Variants in USP22 observed in about 807,000 individuals in gnomAD.
The protein encoded by USP22 is ubiquitin specific peptidase 22.
A neutral mutation model predicts 68.1 loss-of-function variants in USP22; 22 were observed. The observed-to-expected ratio is 0.32, with a 90% CI of 0.23 to 0.46. The LOEUF is 0.46. Ranked by LOEUF, USP22 falls within the 20% of genes least tolerant of loss-of-function variation. USP22 has a pLI of 1.00. For synonymous variants in USP22, 279 were observed against 274.2 expected (o/e 1.02, Z -0.17); for missense variants, 433 against 695.8 (o/e 0.62, Z 4.25).
At chr17:21,024,950 CAG>C (rs1972202422) in intron 2 of USP22, among the ~76,000 whole-genome samples, 2 of 152,094 alleles carry the variant, frequency 1.3e-5, no homozygotes, top group African/African-American at 4.8e-5. Flanking sequence ...GCCTGGGTGA[CAG>C]AGGGAGATAG....
Position 21,042,780 on chromosome 17 carries a change from G to C in USP22, c.56C>G (p.Ala19Gly). ...GCCCAGGTGCGAGCAGCCCGGCGGC[G>C]CTACCGCCAGCTCGGCGTCCATGGC... Reference protein sequence around the residue: ...GEAMDAELAVAPPGCSHLGSF... With the variant: ...GEAMDAELAVGPPGCSHLGSF... Residue 19 changes from alanine to glycine, a missense_variant, in exon 1 of 13, where the codon GCG becomes GGG. This residue lies in a region of USP22 where 110 missense variants were observed against 89.9 expected (regional missense o/e 1.22). Transcript: ENST00000261497. 6.7e-7 allele frequency: 1 copy of C among 1,488,868 alleles called. No individual in the cohort carries two copies. The highest frequency in any genetic ancestry group is 2.8e-5 in the East Asian group (1 of 36,236). The allele number at this position is 1,488,868 out of a possible 1,614,324, so 92.2% of individuals were successfully genotyped here.
At chr17:21,033,603 T>C (rs886842788) in intron 1 of USP22, among the ~76,000 whole-genome samples, 1 of 152,182 alleles carries the variant, frequency 6.6e-6, no homozygotes, top group African/African-American at 2.4e-5. Context: ...CACACCACCT[T>C]AAGAGCTAGT....
intron 3 of USP22, 143 bp downstream of exon 3, chr17:21,020,970 G>A: frequency 6.1e-6 from 4 of 653,922 alleles, no homozygotes; most frequent in Non-Finnish European, 1.1e-5. Context: ...CTCCACTGTG[G>A]GCCTTAGGGG....
intron 11 of USP22, 92 bp from the exon 12 acceptor site, chr17:21,004,443 G>C: frequency 6.6e-7 from 1 of 1,519,622 alleles, no homozygotes; most frequent in Non-Finnish European, 9.0e-7. Flanking sequence ...CCCAGGCAGG[G>C]AGCGGGAGGC....
At chr17:21,018,137 G>A in intron 4 of USP22, 26 bp from the exon 5 acceptor site, 1 of 1,544,072 alleles carries the variant, frequency 6.5e-7, no homozygotes, top group East Asian at 2.3e-5. Context: ...CAGAGAGCAG[G>A]AGTTACCTGT....
intron 1 of USP22, among the ~76,000 whole-genome samples, chr17:21,036,523 G>GT (rs1180706228): frequency 4.2e-5 from 6 of 144,066 alleles, no homozygotes; most frequent in African/African-American, 1.5e-4. Context: ...TACTGTAAGG[G>GT]GGGGGGGGGT....
In USP22 at chr17:21,028,640, T is replaced by G. The variant is rs999182821; in HGVS notation, c.206A>C (p.His69Pro). The G allele has an allele frequency of 1.9e-6, 3 of 1,612,920 alleles. No individual in the cohort carries two copies. The highest frequency in any genetic ancestry group is 2.5e-6 in the Non-Finnish European group (3 of 1,179,700). Residue 69 changes from histidine (H) to proline (P), a missense_variant, in exon 2 of 13, where the codon CAC becomes CCC. His to Pro is a moderately conservative substitution (Grantham distance 77). This residue lies in a region of USP22 where 144 missense variants were observed against 237.2 expected (regional missense o/e 0.61). Coordinates refer to ENST00000261497, the MANE Select transcript of USP22 (RefSeq NM_015276.2). ...GAGGCAGGAATGCAGCCTGTTGAGG[T>G]GGACGCCACAGACATGGCAGATACA... is the stretch of plus-strand genomic sequence containing the variant. ...KSCICHVCGV[H>P]LNRLHSCLYC...
intron 1 of USP22, among the ~76,000 whole-genome samples, chr17:21,035,515 C>A (rs201606540): frequency 1.4e-4 from 20 of 147,390 alleles, no homozygotes; most frequent in Non-Finnish European, 1.2e-4. Context: ...GGAAATAGGA[C>A]AAAAAAAAAA....
chr17:21,016,024 G>C (rs7207753), intron 5 of USP22, 125 bp from the exon 6 acceptor site: 979,915 of 1,261,352 alleles, frequency 0.78, 384,093 homozygotes, highest in South Asian at 0.84. Flanking sequence ...ACAAATGTTT[G>C]GATTTTACTT....
At position 21,018,179 on chromosome 17, in the gene USP22, C is replaced by A. The variant is rs1038107; in HGVS notation, c.521-68G>T. The A allele has an allele frequency of 4.1e-6, 6 of 1,468,414 alleles. No individual in the cohort carries two copies. The East Asian group carries it at 1.4e-4, about 35-fold the overall frequency. The allele number at this position is 1,468,414 out of a possible 1,614,324, so 91.0% of individuals were successfully genotyped here. A position where few individuals can be genotyped will look rare whatever the true frequency, so the allele number is the denominator to read the frequency against. On this transcript the variant is annotated intron_variant, in intron 4 of 12. Coordinates refer to ENST00000261497, the MANE Select transcript of USP22 (RefSeq NM_015276.2). ...AACCACAGGTGTCGCTGGATCCCAG[C>A]GGCTTCCTCTACCTCTACATACTCA... is the stretch of plus-strand genomic sequence containing the variant.
At chr17:21,005,813 G>A (rs551442320) in intron 10 of USP22, among the ~76,000 whole-genome samples, 1 of 152,328 alleles carries the variant, frequency 6.6e-6, no homozygotes, top group East Asian at 1.9e-4. Flanking sequence ...CAGAACCTGA[G>A]ACTGGGACCT....
At chr17:21,043,013 C>G, upstream of USP22, 1 of 322,828 alleles carries the variant, frequency 3.1e-6, no homozygotes, top group Non-Finnish European at 5.5e-6. Context: ...GGCTGCAAGG[C>G]AGGCACCGCC....
intron 1 of USP22, among the ~76,000 whole-genome samples, chr17:21,041,280 G>C (rs1463353520): frequency 6.6e-6 from 1 of 152,080 alleles, no homozygotes; most frequent in African/African-American, 2.4e-5. Context: ...CAGACATAAC[G>C]CTACCTGATA....
chr17:21,038,614 G>C (rs1479852836), intron 1 of USP22, among the ~76,000 whole-genome samples: 1 of 151,076 alleles, frequency 6.6e-6, no homozygotes, highest in African/African-American at 2.4e-5. Flanking sequence ...GCTGCAGTGA[G>C]CCATGATCAT....
chr17:21,005,764 A>G (rs1364396356), intron 10 of USP22, among the ~76,000 whole-genome samples: 2 of 152,230 alleles, frequency 1.3e-5, no homozygotes, highest in Admixed American at 6.5e-5. Context: ...CCACCAAAAA[A>G]TAACACCCTG....
At chr17:21,040,617 A>T (rs2143664061) in intron 1 of USP22, among the ~76,000 whole-genome samples, 1 of 152,332 alleles carries the variant, frequency 6.6e-6, no homozygotes, top group Middle Eastern at 3.4e-3. Flanking sequence ...AAAAAAAAGT[A>T]ATTCTTAACT....
chr17:21,003,783 C>G (rs992011759), intron 12 of USP22, among the ~76,000 whole-genome samples: 2 of 145,486 alleles, frequency 1.4e-5, no homozygotes, highest in African/African-American at 2.4e-5. Context: ...GCCTATAATC[C>G]CAGCTACTTG....
chr17:21,019,557 T>C (rs932779244), intron 3 of USP22, among the ~76,000 whole-genome samples: 3 of 152,188 alleles, frequency 2.0e-5, no homozygotes, highest in Non-Finnish European at 4.4e-5. Context: ...ACAAGTGAAA[T>C]TGAAGGAGAG....
chr17:21,033,282 T>C (rs1972314990), intron 1 of USP22, among the ~76,000 whole-genome samples: 1 of 152,210 alleles, frequency 6.6e-6, no homozygotes, highest in Non-Finnish European at 1.5e-5. Flanking sequence ...TTCAGTAGAC[T>C]GCAAGCAAAT....
Sources: allele counts gnomAD v4.1 joint callset (sites outside exome capture counted in the v4.1 genomes callset), GRCh38; gene constraint gnomAD v4.1.1; regional missense constraint gnomAD v4.1.1; transcripts MANE v1.5; gene names NCBI Gene and HGNC (gene_info 2026-07-23, HGNC 2026-07-21).